COX10: variants seen among roughly 807,000 people sequenced by gnomAD.
COX10 encodes the protein protoheme IX farnesyltransferase, mitochondrial.
In COX10, 27 loss-of-function variants were observed where a neutral mutation model predicts 37.3. The ratio of observed to expected loss-of-function variants is 0.72; its 90% CI spans 0.53 to 1.00. COX10 has a LOEUF of 1.00. Ranked by LOEUF, COX10 falls within the 50% of genes least tolerant of loss-of-function variation. The pLI is 0.00. For synonymous variants in COX10, 222 were observed against 229.1 expected (o/e 0.97, Z 0.28); for missense variants, 475 against 563.2 (o/e 0.84, Z 1.59).
At chr17:14,148,605 G>T (rs1057353896) in intron 4 of COX10, among the ~76,000 whole-genome samples, 2 of 152,138 alleles carry the variant, frequency 1.3e-5, no homozygotes, top group Non-Finnish European at 2.9e-5. Flanking sequence ...CTCTCTAGAA[G>T]AATGTTGTGA....
At chr17:14,076,086 C>T (rs1219363790) in intron 2 of COX10, among the ~76,000 whole-genome samples, 2 of 146,048 alleles carry the variant, frequency 1.4e-5, no homozygotes, top group South Asian at 2.2e-4. Context: ...GGAAAGTCAA[C>T]AGGTTGACTT....
intron 5 of COX10, among the ~76,000 whole-genome samples, chr17:14,175,573 C>G (rs1779141217): frequency 6.6e-6 from 1 of 151,882 alleles, no homozygotes; most frequent in African/African-American, 2.4e-5. Flanking sequence ...TCCTCAGCAT[C>G]TCTGGATGTT....
chr17:14,194,369 G>T (rs1906300633), intron 6 of COX10, among the ~76,000 whole-genome samples: 1 of 152,236 alleles, frequency 6.6e-6, no homozygotes, highest in African/African-American at 2.4e-5. Context: ...TCAGACAAGA[G>T]CCCTTATTTG....
rs962551231 is a variant in COX10, at chr17:14,082,102, A to G, written c.499+5046A>G. Among the ~76,000 whole-genome samples, 5 of 152,294 alleles carry G rather than the reference A, an allele frequency of 3.3e-5. No individual in the cohort carries two copies. The East Asian group carries it at 5.8e-4, about 18-fold the overall frequency. On this transcript the variant is annotated intron_variant, in intron 3 of 6. Coordinates refer to ENST00000261643, the MANE Select transcript of COX10 (RefSeq NM_001303.4). ...GGCAGTGAGGTCACGGTAGTAAATG[A>G]TGTTACCAAGGATCAGTGTGTACAG...
rs551714646 is a variant in COX10 at position 14,138,812 on chromosome 17, C to T, written c.625-21065C>T. On this transcript the variant is annotated intron_variant, in intron 4 of 6. Transcript: ENST00000261643. Reference sequence around the variant, plus strand: ...AGCCAAGGTCTTTGTCTTACACTGCCTGATTGTCTCCTCATCCCAGCATTG... The same window carrying T: ...AGCCAAGGTCTTTGTCTTACACTGCTTGATTGTCTCCTCATCCCAGCATTG... 4.6e-5 allele frequency among the ~76,000 whole-genome samples: 7 copies of T among 152,220 alleles called. No individual in the cohort carries two copies. The South Asian group carries it at 1.5e-3, about 32-fold the overall frequency.
intron 5 of COX10, among the ~76,000 whole-genome samples, chr17:14,173,949 G>A (rs1378214383): frequency 1.3e-5 from 2 of 152,060 alleles, no homozygotes; most frequent in East Asian, 3.9e-4. Context: ...CTCGGCGGAG[G>A]ACTCTTCGAT....
rs750114955 is a variant in COX10 at position 14,078,445 on chromosome 17, C to T, written c.499+1389C>T. On this transcript the variant is annotated intron_variant, in intron 3 of 6. Transcript: ENST00000261643. The stretch of plus-strand genomic sequence containing the variant: ...CATTTCTGTCAGTTACAGCATTCTT[C>T]GCTTCCTTCAGAGGAGAAACCTTAG... 5.9e-5 allele frequency among the ~76,000 whole-genome samples: 9 copies of T among 152,130 alleles called. No homozygotes were observed. In the East Asian group the frequency reaches 7.7e-4, roughly 13 times the overall value.
intron 5 of COX10, among the ~76,000 whole-genome samples, chr17:14,183,796 A>G (rs1427051514): frequency 6.6e-6 from 1 of 152,112 alleles, no homozygotes; most frequent in East Asian, 1.9e-4. Flanking sequence ...GTCTTATTTC[A>G]TCTGTTCTTT....
chr17:14,173,574 A>G (rs150145687), intron 5 of COX10, among the ~76,000 whole-genome samples: 2 of 152,354 alleles, frequency 1.3e-5, no homozygotes, highest in Non-Finnish European at 2.9e-5. Flanking sequence ...TGTAGAGGGA[A>G]GGATGTGTAT....
intron 4 of COX10, among the ~76,000 whole-genome samples, chr17:14,147,441 A>C (rs963273120): frequency 1.3e-5 from 2 of 152,160 alleles, no homozygotes; most frequent in African/African-American, 4.8e-5. Context: ...ATAGGATCTA[A>C]AAACCAAAAC....
chr17:14,145,359 C>T (rs1904681979), intron 4 of COX10, among the ~76,000 whole-genome samples: 1 of 152,084 alleles, frequency 6.6e-6, no homozygotes, highest in Non-Finnish European at 1.5e-5. Context: ...CAGCATAGCT[C>T]CACTGCTTAG....
intron 3 of COX10, among the ~76,000 whole-genome samples, chr17:14,088,934 A>G (rs902546778): frequency 6.6e-6 from 1 of 152,222 alleles, no homozygotes; most frequent in Non-Finnish European, 1.5e-5. Context: ...AAACCTCCTT[A>G]TAAGACTTTG....
chr17:14,158,925 ACT>A (rs1175885092), intron 4 of COX10, among the ~76,000 whole-genome samples: 8 of 152,160 alleles, frequency 5.3e-5, no homozygotes, highest in African/African-American at 1.9e-4. Flanking sequence ...TTTTTTGAGT[ACT>A]CTGTTTTACC....
chr17:14,127,458 T>A (rs974450222), intron 4 of COX10, among the ~76,000 whole-genome samples: 4 of 152,166 alleles, frequency 2.6e-5, no homozygotes, highest in African/African-American at 9.6e-5. Context: ...TATATTCTGA[T>A]GTAAAATCTT....
rs376434284 is a variant in COX10, at chr17:14,076,111, C to CTTTTTTTTTTTTTT, written c.178-617_178-604dup. On this transcript the variant is annotated intron_variant, in intron 2 of 6. Transcript: ENST00000261643. The stretch of plus-strand genomic sequence containing the variant: ...CAGGTTGACTTGGGCTCTTTTTTGT[C>CTTTTTTTTTTTTTT]TTTTTTTTTTTTTTTTTTTTGTGAG... Among the ~76,000 whole-genome samples, 17 of 103,254 alleles carry CTTTTTTTTTTTTTT rather than the reference C, an allele frequency of 1.6e-4. 1 individual carries two copies. The highest frequency in any genetic ancestry group is 2.6e-4 in the African/African-American group (7 of 26,462). 67.7% of individuals were successfully genotyped at this position (103,254 alleles called of 152,430 possible).
intron 4 of COX10, among the ~76,000 whole-genome samples, chr17:14,156,222 T>C (rs1905036447): frequency 6.6e-6 from 1 of 152,132 alleles, no homozygotes; most frequent in South Asian, 2.1e-4. Flanking sequence ...CACTATTAAA[T>C]GGTAAATCTG....
intron 3 of COX10, among the ~76,000 whole-genome samples, chr17:14,084,696 T>C (rs1051319454): frequency 1.3e-5 from 2 of 152,174 alleles, no homozygotes; most frequent in African/African-American, 4.8e-5. Flanking sequence ...ATTTCGCTCT[T>C]GTCACCCAGT....
chr17:14,141,311 G>A (rs771604173), intron 4 of COX10, among the ~76,000 whole-genome samples: 10 of 151,900 alleles, frequency 6.6e-5, no homozygotes, highest in Non-Finnish European at 1.5e-4. Flanking sequence ...AGGACGAGGT[G>A]GGCAGATTGC....
At chr17:14,074,564 A>G in intron 2 of COX10, 108 bp downstream of exon 2, 2 of 1,104,130 alleles carry the variant, frequency 1.8e-6, no homozygotes, top group East Asian at 2.4e-5. Flanking sequence ...CTGTTTGAAA[A>G]GAACTTTTAT....
Sources: allele counts gnomAD v4.1 joint callset (sites outside exome capture counted in the v4.1 genomes callset), GRCh38; gene constraint gnomAD v4.1.1; transcripts MANE v1.5; gene names NCBI Gene and HGNC (gene_info 2026-07-23, HGNC 2026-07-21).